Variants in DNAH3 observed in about 807,000 individuals in gnomAD.
DNAH3 encodes dynein axonemal heavy chain 3, also known as axonemal beta dynein heavy chain 3.
Under a neutral mutation model 432.5 loss-of-function variants are expected in DNAH3, and 332 were observed. The observed-to-expected ratio is 0.77, with a 90% CI of 0.70 to 0.84. The LOEUF (loss-of-function observed/expected upper bound fraction) is 0.84. Among genes scored for constraint, DNAH3 ranks in the 40% least tolerant of loss-of-function variants. DNAH3 has a pLI of 0.00. For missense variants in DNAH3, 4,861 were observed against 5,114.0 expected (o/e 0.95, Z 1.51); for synonymous variants, 1,956 against 1,900.2 (o/e 1.03, Z -0.76).
chr16:21,050,946 C>T (rs193054787), intron 29 of DNAH3, among the ~76,000 whole-genome samples: 47 of 152,188 alleles, frequency 3.1e-4, no homozygotes, highest in African/African-American at 9.2e-4. Flanking sequence ...ATGTCTCTCC[C>T]GACCCCCCAG....
At chr16:20,997,706 C>T (rs2086822891) in intron 43 of DNAH3, among the ~76,000 whole-genome samples, 1 of 151,898 alleles carries the variant, frequency 6.6e-6, no homozygotes, top group South Asian at 2.1e-4. Flanking sequence ...CTGACATTAA[C>T]AAACTGGCTT....
At chr16:20,994,147 T>C (rs1300952795) in intron 44 of DNAH3, among the ~76,000 whole-genome samples, 1 of 152,068 alleles carries the variant, frequency 6.6e-6, no homozygotes, top group Non-Finnish European at 1.5e-5. Flanking sequence ...TTTTAAAAAA[T>C]GGCCTGGCGC....
chr16:21,033,871 G>C, intron 36 of DNAH3, 103 bp downstream of exon 36: 1 of 715,232 alleles, frequency 1.4e-6, no homozygotes, highest in Non-Finnish European at 2.4e-6. Flanking sequence ...CTGACGTCAC[G>C]ATCGAGGCCT....
chr16:21,005,846 T>C (rs973182982), intron 41 of DNAH3, among the ~76,000 whole-genome samples: 2 of 151,984 alleles, frequency 1.3e-5, no homozygotes, highest in South Asian at 2.1e-4. Context: ...ATTCTTTTTT[T>C]TTTTTTTTTG....
chr16:21,082,346 A>G (rs2091217605), intron 19 of DNAH3, among the ~76,000 whole-genome samples: 2 of 151,996 alleles, frequency 1.3e-5, no homozygotes, highest in Non-Finnish European at 1.5e-5. Flanking sequence ...ATACAACACC[A>G]TGCCTGGCTA....
chr16:21,101,417 T>C (rs1366119655), intron 16 of DNAH3, among the ~76,000 whole-genome samples: 1 of 152,180 alleles, frequency 6.6e-6, no homozygotes, highest in African/African-American at 2.4e-5. Flanking sequence ...AATTCCTATA[T>C]ATATATCCCA....
intron 14 of DNAH3, 52 bp downstream of exon 14, chr16:21,111,574 C>T (rs1168127770): frequency 3.9e-6 from 6 of 1,557,342 alleles, no homozygotes; most frequent in South Asian, 3.5e-5. Context: ...ACTTTTTCGT[C>T]TCCAGTTGGT....
At chr16:20,952,779 T>C (rs2084373958) in intron 55 of DNAH3, among the ~76,000 whole-genome samples, 1 of 152,212 alleles carries the variant, frequency 6.6e-6, no homozygotes, top group Non-Finnish European at 1.5e-5. Context: ...CCTCCCCATT[T>C]GTTAAGGAAG....
chr16:21,012,564 C>T (rs752128098), intron 41 of DNAH3, among the ~76,000 whole-genome samples: 1 of 152,162 alleles, frequency 6.6e-6, no homozygotes, highest in Non-Finnish European at 1.5e-5. Context: ...ACTTCAACCA[C>T]CCCTGCCAAT....
exon 25 of DNAH3, chr16:21,062,558 A>G (rs1469707408): frequency 6.2e-7 from 1 of 1,614,186 alleles, no homozygotes; most frequent in East Asian, 2.2e-5. Flanking sequence ...CACAATTTCC[A>G]GATTGTCTGT....
chr16:20,988,966 G>A (rs760622142), intron 44 of DNAH3, among the ~76,000 whole-genome samples: 56 of 152,158 alleles, frequency 3.7e-4, no homozygotes, highest in African/African-American at 9.9e-4. Flanking sequence ...TGGTCTCGCT[G>A]GCTTCAAGAG....
chr16:21,031,212 C>A, exon 37 of DNAH3: 1 of 1,614,152 alleles, frequency 6.2e-7, no homozygotes, highest in Non-Finnish European at 8.5e-7. Context: ...TCAAAGCACC[C>A]ATACAGCTGC....
At chr16:20,985,431 G>T in exon 48 of DNAH3, 1 of 1,614,184 alleles carries the variant, frequency 6.2e-7, no homozygotes, top group Admixed American at 1.7e-5. Flanking sequence ...GCCGCCCGCT[G>T]CCCCCTATGC....
intron 52 of DNAH3, among the ~76,000 whole-genome samples, chr16:20,966,408 T>C (rs1314425289): frequency 6.6e-6 from 1 of 151,992 alleles, no homozygotes; most frequent in Non-Finnish European, 1.5e-5. Context: ...GGAGGCCTCG[T>C]TTTAAAAGCC....
chr16:21,045,159 G>C (rs2089636468), intron 31 of DNAH3, among the ~76,000 whole-genome samples: 1 of 150,592 alleles, frequency 6.6e-6, no homozygotes, highest in Non-Finnish European at 1.5e-5. Context: ...TCTCTGCCTG[G>C]CTTTGGTATC....
intron 41 of DNAH3, among the ~76,000 whole-genome samples, chr16:21,016,339 C>A (rs2087855043): frequency 6.6e-6 from 1 of 152,044 alleles, no homozygotes; most frequent in Non-Finnish European, 1.5e-5. Flanking sequence ...TAAAAACAAA[C>A]CTGGAGACAC....
chr16:20,956,896 G>C (rs1340643195), intron 54 of DNAH3, among the ~76,000 whole-genome samples: 1 of 151,970 alleles, frequency 6.6e-6, no homozygotes, highest in Non-Finnish European at 1.5e-5. Context: ...GCTAATTTTT[G>C]TATTTTTAGT....
chr16:21,125,457 G>T, intron 8 of DNAH3, 87 bp from the exon 10 acceptor site: 1 of 1,136,804 alleles, frequency 8.8e-7, no homozygotes, highest in Non-Finnish European at 1.2e-6. Flanking sequence ...CAGTGATGAG[G>T]CAGATGGGCT....
At chr16:20,933,336 C>A (rs369704821) in exon 62 of DNAH3, 5 of 1,614,096 alleles carry the variant, frequency 3.1e-6, no homozygotes, top group Non-Finnish European at 4.2e-6. Flanking sequence ...AGAAACATTG[C>A]GCTCTCCCCA....
Sources: gnomAD v4.1 joint callset for allele counts (sites outside exome capture counted in the v4.1 genomes callset) on GRCh38, gnomAD v4.1.1 for gene constraint, MANE v1.5 for transcripts, NCBI Gene and HGNC (gene_info 2026-07-23, HGNC 2026-07-21) for gene names.